DENND4B: variants seen among roughly 807,000 people sequenced by gnomAD.
DENND4B encodes the protein DENN domain-containing protein 4B.
A neutral mutation model predicts 161.0 loss-of-function variants in DENND4B; 67 were observed. That is an observed-to-expected ratio of 0.42 (90% confidence interval 0.34 to 0.51). The LOEUF is 0.51. Ranked by LOEUF, DENND4B falls within the 20% of genes least tolerant of loss-of-function variation. The pLI is 0.08. For missense variants in DENND4B, 1,481 were observed against 1,968.0 expected (o/e 0.75, Z 4.68); for synonymous variants, 753 against 813.8 (o/e 0.93, Z 1.27).
chr1:153,933,518 G>T lies in DENND4B; in HGVS notation c.3295C>A (p.His1099Asn). ...GTGGATCCAGGGCGCTCCCGGGGGT[G>T]CAGAAGACTGTCCATGGGGCTGCGG... is the stretch of plus-strand genomic sequence containing the variant. ...ARRSPMDSLL[H>N]PRERPGSTAS... is the part of the protein sequence containing the mutation. Residue 1099 changes from histidine to asparagine, a missense_variant, in exon 20 of 28, where the codon CAC becomes AAC. His to Asn is a moderately conservative substitution (Grantham distance 68). Transcript: ENST00000361217. The surrounding 1 kb of genome is among the most constrained non-coding windows in gnomAD (Gnocchi z 5.7). 1 of 1,551,642 alleles carries T rather than the reference G, an allele frequency of 6.4e-7. No homozygotes were observed.
Position 153,943,013 on chromosome 1 carries a change from G to T in DENND4B, c.435C>A (p.Leu145=). 3 of 1,614,052 alleles carry T rather than the reference G, an allele frequency of 1.9e-6. No homozygotes were observed. The highest frequency in any genetic ancestry group is 2.5e-6 in the Non-Finnish European group (3 of 1,179,894). The change falls in exon 3 of 28, where the codon CTC becomes CTA. Residue 145 remains leucine, a synonymous_variant. Transcript: ENST00000361217. The stretch of plus-strand genomic sequence containing the variant: ...CCCCCTCTGCTGCCCGCCGGTAAGT[G>T]AGGTAGGTGCGGGGGTGCCCGGGGC... The part of the protein sequence containing the change: ...PPGPGHPRTY[L]TYRRAAEGAG...
chr1:153,937,615 C>T lies in DENND4B; in HGVS notation c.2106-1G>A. On this transcript the variant is annotated splice_acceptor_variant, in intron 14 of 27. Coordinates refer to ENST00000361217, the MANE Select transcript of DENND4B (RefSeq NM_014856.3). LOFTEE classifies it high-confidence loss of function. The surrounding 1 kb of genome is among the most constrained non-coding windows in gnomAD (Gnocchi z 4.7). ...CCGTAGCTCTGGGAATCCATCATAG[C>T]TGGAGGGGCAGAGAGAAGCAACATC... 1 of 1,611,932 alleles carries T rather than the reference C, an allele frequency of 6.2e-7. No homozygotes were observed. Among genetic ancestry groups the T allele is most frequent in the Non-Finnish European group, 8.5e-7 (1 of 1,178,564 alleles).
At chr1:153,943,211 A>AAT (rs1679775620) in intron 2 of DENND4B, 81 bp from the exon 3 acceptor site, 2 of 1,534,514 alleles carry the variant, frequency 1.3e-6, no homozygotes, top group South Asian at 1.3e-5. Flanking sequence ...TGCCTATCTA[A>AAT]TCCCCTGAAC....
rs1679334636 is a variant in DENND4B, at chr1:153,936,425, C to T, written c.2439+117G>A. 1.6e-6 allele frequency: 2 copies of T among 1,241,632 alleles called. No individual in the cohort carries two copies. Among genetic ancestry groups the T allele is most frequent in the African/African-American group, 3.0e-5 (2 of 65,972 alleles). 76.9% of individuals were successfully genotyped at this position (1,241,632 alleles called of 1,614,324 possible). A position where few individuals can be genotyped will look rare whatever the true frequency, so the allele number is the denominator to read the frequency against. ...GAATGTTTATAGATAATCTGCCCAG[C>T]TCTGGGGCTCTGCAACTTCTTTCCT... is the stretch of plus-strand genomic sequence containing the variant. On this transcript the variant is annotated intron_variant, in intron 16 of 27. Coordinates refer to ENST00000361217, the MANE Select transcript of DENND4B (RefSeq NM_014856.3). This position sits in a 1 kb window ranked among gnomAD's most constrained non-coding sequence, Gnocchi z 4.1.
Position 153,941,387 on chromosome 1 carries a change from C to T in DENND4B, c.1109G>A (p.Arg370His), listed in dbSNP as rs758998001. Residue 370 changes from arginine to histidine, a missense_variant, in exon 7 of 28, where the codon CGC becomes CAC. Arg to His is a conservative substitution (Grantham distance 29, BLOSUM62 0). Coordinates refer to ENST00000361217, the MANE Select transcript of DENND4B (RefSeq NM_014856.3). ...NVPFPSPQRP[R>H]ILVQMSPYDN... ...CTCAGCTCTCACCTGCACTAGGATG[C>T]GGGGTCTCTGTGGGGAAGGGAAGGG... 1.1e-5 allele frequency: 17 copies of T among 1,613,270 alleles called. No individual in the cohort carries two copies. In the South Asian group the frequency reaches 1.4e-4, roughly 14 times the overall value.
Position 153,934,095 on chromosome 1 carries a change from G to T in DENND4B, c.2941+40C>A. The T allele has an allele frequency of 6.6e-7, 1 of 1,512,308 alleles. No individual in the cohort carries two copies. The highest frequency in any genetic ancestry group is 8.8e-7 in the Non-Finnish European group (1 of 1,135,992). 93.7% of individuals were successfully genotyped at this position (1,512,308 alleles called of 1,614,324 possible). A position where few individuals can be genotyped will look rare whatever the true frequency, so the allele number is the denominator to read the frequency against. ...ACCTCACTAGCAAGTGGTTAGGAAAGCTGACTGGGGGAGTGAGGGAGCCAG... is the reference window on the plus strand; with the variant it reads ...ACCTCACTAGCAAGTGGTTAGGAAATCTGACTGGGGGAGTGAGGGAGCCAG... On this transcript the variant is annotated intron_variant, in intron 19 of 27. Transcript: ENST00000361217. This position sits in a 1 kb window ranked among gnomAD's most constrained non-coding sequence, Gnocchi z 5.3.
Position 153,943,094 on chromosome 1 carries a change from G to T in DENND4B, c.354C>A (p.Gly118=), listed in dbSNP as rs898949505. The T allele has an allele frequency of 6.2e-7, 1 of 1,613,778 alleles. No individual in the cohort carries two copies. The highest frequency in any genetic ancestry group is 8.5e-7 in the Non-Finnish European group (1 of 1,179,846). Residue 118 remains glycine (G), a synonymous_variant, in exon 3 of 28, where the codon GGC becomes GGA. Transcript: ENST00000361217. ...AGGGTGTCGTGTCAAGCACTTGGAAGCCAGGCTTGGGACGTTCCTTCCCCT... is the reference window on the plus strand; with the variant it reads ...AGGGTGTCGTGTCAAGCACTTGGAATCCAGGCTTGGGACGTTCCTTCCCCT... ...LYEGKERPKP[G]FQVLDTTPYS...
chr1:153,939,833 G>A (rs1303872948), intron 11 of DENND4B, 29 bp from the exon 12 acceptor site: 1 of 1,606,230 alleles, frequency 6.2e-7, no homozygotes, highest in East Asian at 2.2e-5. Flanking sequence ...TAAGAGTCAG[G>A]GCTGGCTCCC....
Position 153,940,966 on chromosome 1 carries a change from T to C in DENND4B, c.1264A>G (p.Lys422Glu). The change falls in exon 9 of 28, where the codon AAG becomes GAG. Residue 422 changes from lysine (K) to glutamate (E), a missense_variant. Lys to Glu is a moderately conservative substitution (Grantham distance 56). This residue lies in a region of DENND4B where 806 missense variants were observed against 1,134.4 expected (regional missense o/e 0.71). Transcript: ENST00000361217. The surrounding 1 kb of genome is among the most constrained non-coding windows in gnomAD (Gnocchi z 5.6). ...GGCCGCAGCGAGTGGACTAGCAGCT[T>C]GTGCTCTGTGAGCACAGCCAGCAGC... ...TLLLAVLTEHKLLVHSLRPDL... is the reference protein window; with the variant it reads ...TLLLAVLTEHELLVHSLRPDL... 1 of 1,594,520 alleles carries C rather than the reference T, an allele frequency of 6.3e-7. No individual in the cohort carries two copies.
In DENND4B at chr1:153,946,174, G is replaced by A; in HGVS notation, c.-24+127C>T. ...CCCCTCCACTTTCACTTCCCCAGGA[G>A]AGAGGAACCGGAACCAGATGTGCAG... On this transcript the variant is annotated intron_variant, in intron 1 of 27. Coordinates refer to ENST00000361217, the MANE Select transcript of DENND4B (RefSeq NM_014856.3). The surrounding 1 kb of genome is among the most constrained non-coding windows in gnomAD (Gnocchi z 6.3). 1 of 300,490 alleles carries A rather than the reference G, an allele frequency of 3.3e-6. No individual in the cohort carries two copies. Among genetic ancestry groups the A allele is most frequent in the Non-Finnish European group, 6.1e-6 (1 of 163,884 alleles). 18.6% of individuals were successfully genotyped at this position (300,490 alleles called of 1,614,324 possible). A position where few individuals can be genotyped will look rare whatever the true frequency, so the allele number is the denominator to read the frequency against.
Position 153,933,106 on chromosome 1 carries a change from C to T in DENND4B, c.3454-76G>A. 2 of 1,609,934 alleles carry T rather than the reference C, an allele frequency of 1.2e-6. No individual in the cohort carries two copies. The highest frequency in any genetic ancestry group is 2.2e-5 in the South Asian group (2 of 90,882). On this transcript the variant is annotated intron_variant, in intron 21 of 27. Transcript: ENST00000361217. This position sits in a 1 kb window ranked among gnomAD's most constrained non-coding sequence, Gnocchi z 5.7. ...TGGAGCCCATGCCCCTTCCCCAGCCCCTCCCACCTCCTCCCCATCTCCTGC... is the reference window on the plus strand; with the variant it reads ...TGGAGCCCATGCCCCTTCCCCAGCCTCTCCCACCTCCTCCCCATCTCCTGC...
rs1183072623 is a variant in DENND4B, at chr1:153,940,362, T to C, written c.1502+69A>G. 3.2e-6 allele frequency: 5 copies of C among 1,578,582 alleles called. No homozygotes were observed. Among genetic ancestry groups the C allele is most frequent in the South Asian group, 1.2e-5 (1 of 86,760 alleles). ...GTGCCTGAAGCTCTTTTTGAGCCCG[T>C]AGCACTCCACACACTAGCCCATTCC... is the stretch of plus-strand genomic sequence containing the variant. On this transcript the variant is annotated intron_variant, in intron 10 of 27. Coordinates refer to ENST00000361217, the MANE Select transcript of DENND4B (RefSeq NM_014856.3). This position sits in a 1 kb window ranked among gnomAD's most constrained non-coding sequence, Gnocchi z 5.6.
In DENND4B at chr1:153,934,036, A is replaced by C. The variant is rs1044931331; in HGVS notation, c.2941+99T>G. 2.0e-6 allele frequency: 3 copies of C among 1,465,310 alleles called. No homozygotes were observed. In the African/African-American group the frequency reaches 4.3e-5, roughly 21 times the overall value. 90.8% of individuals were successfully genotyped at this position (1,465,310 alleles called of 1,614,324 possible). On this transcript the variant is annotated intron_variant, in intron 19 of 27. Coordinates refer to ENST00000361217, the MANE Select transcript of DENND4B (RefSeq NM_014856.3). This position sits in a 1 kb window ranked among gnomAD's most constrained non-coding sequence, Gnocchi z 5.3. Reference sequence around the variant, plus strand: ...TCAGAATCTACAGCACCCACCACAGAGGGCCGCCCTCCACTCTGTTTCTGG... The same window carrying C: ...TCAGAATCTACAGCACCCACCACAGCGGGCCGCCCTCCACTCTGTTTCTGG...
At chr1:153,945,255 G>A (rs1679896825) in intron 1 of DENND4B, 2 of 1,035,266 alleles carry the variant, frequency 1.9e-6, no homozygotes, top group Non-Finnish European at 1.3e-6. Context: ...AGCGTGGGGG[G>A]TGCTTCAGAG....
chr1:153,942,712 C>G lies in DENND4B; in HGVS notation c.571-87G>C. 1 of 1,483,016 alleles carries G rather than the reference C, an allele frequency of 6.7e-7. No homozygotes were observed. Among genetic ancestry groups the G allele is most frequent in the African/African-American group, 1.4e-5 (1 of 70,764 alleles). The allele number at this position is 1,483,016 out of a possible 1,614,324, so 91.9% of individuals were successfully genotyped here. A position where few individuals can be genotyped will look rare whatever the true frequency, so the allele number is the denominator to read the frequency against. On this transcript the variant is annotated intron_variant, in intron 3 of 27. Transcript: ENST00000361217. This position sits in a 1 kb window ranked among gnomAD's most constrained non-coding sequence, Gnocchi z 6.9. ...TTTCTCTCTACCACCCCTAAATGTT[C>G]TTTTGTCTTTAAAGCTCCCATTAAT...
chr1:153,936,453 GT>G lies in DENND4B; in HGVS notation c.2439+88del. ...TGGGGCTCTGCAACTTCTTTCCTTA[GT>G]CTCCACCAAGTTTCCCTCTCACAGC... On this transcript the variant is annotated intron_variant, in intron 16 of 27. Transcript: ENST00000361217. The surrounding 1 kb of genome is among the most constrained non-coding windows in gnomAD (Gnocchi z 4.1). The G allele has an allele frequency of 2.2e-6, 3 of 1,389,438 alleles. No homozygotes were observed. The highest frequency in any genetic ancestry group is 2.9e-6 in the Non-Finnish European group (3 of 1,036,098). The allele number at this position is 1,389,438 out of a possible 1,614,324, so 86.1% of individuals were successfully genotyped here.
Position 153,940,909 on chromosome 1 carries a change from C to T in DENND4B, c.1321G>A (p.Val441Ile), listed in dbSNP as rs1385842369. 6.4e-6 allele frequency: 10 copies of T among 1,570,608 alleles called. No individual in the cohort carries two copies. The highest frequency in any genetic ancestry group is 4.5e-5 in the East Asian group (2 of 44,500). ...DLLTSVCEAL[V>I]SMIFPLHWQC... ...CCAGGCGGGGCGGCACTCACCGAGA[C>T]GAGGGCCTCACAGACGCTGGTGAGC... The change falls in exon 9 of 28, where the codon GTC becomes ATC. Residue 441 changes from valine (V) to isoleucine (I), a missense_variant. This residue lies in a region of DENND4B where 806 missense variants were observed against 1,134.4 expected (regional missense o/e 0.71). Coordinates refer to ENST00000361217, the MANE Select transcript of DENND4B (RefSeq NM_014856.3). This position sits in a 1 kb window ranked among gnomAD's most constrained non-coding sequence, Gnocchi z 5.6.
At position 153,934,427 on chromosome 1, in the gene DENND4B, GTGTT is replaced by G. The variant is rs369552715; in HGVS notation, c.2774-129_2774-126del. The G allele has an allele frequency of 4.5e-4, 593 of 1,317,250 alleles. 2 individuals carry two copies. The African/African-American group carries it at 4.7e-3, about 11-fold the overall frequency. 81.6% of individuals were successfully genotyped at this position (1,317,250 alleles called of 1,614,324 possible). A position where few individuals can be genotyped will look rare whatever the true frequency, so the allele number is the denominator to read the frequency against. On this transcript the variant is annotated intron_variant, in intron 18 of 27. Coordinates refer to ENST00000361217, the MANE Select transcript of DENND4B (RefSeq NM_014856.3). The surrounding 1 kb of genome is among the most constrained non-coding windows in gnomAD (Gnocchi z 5.3). The stretch of plus-strand genomic sequence containing the variant: ...TCCCAGGCAAAACTTTATCCGTTTT[GTGTT>G]TGTTTGTTTGTTTGTTTTGTTTTGT...
In DENND4B at chr1:153,937,931, C is replaced by A; in HGVS notation, c.1966-68G>T. ...ATGGAGCAGAGCCAGGGTGTCTAGA[C>A]GATGGCATCTCCCAGGAAAGCTCAT... On this transcript the variant is annotated intron_variant, in intron 13 of 27. Coordinates refer to ENST00000361217, the MANE Select transcript of DENND4B (RefSeq NM_014856.3). The surrounding 1 kb of genome is among the most constrained non-coding windows in gnomAD (Gnocchi z 4.7). 6.3e-7 allele frequency: 1 copy of A among 1,598,870 alleles called. No individual in the cohort carries two copies.
Sources: gnomAD v4.1 joint callset for allele counts on GRCh38, gnomAD v4.1.1 for gene constraint, gnomAD v4.1.1 regional missense constraint, Gnocchi (gnomAD v3.1) non-coding constraint, MANE v1.5 for transcripts, NCBI Gene and HGNC (gene_info 2026-07-23, HGNC 2026-07-21) for gene names.